Variants in SGMS1 observed in about 807,000 individuals in gnomAD.
SGMS1 encodes phosphatidylcholine:ceramide cholinephosphotransferase 1.
Under a neutral mutation model 46.2 loss-of-function variants are expected in SGMS1, and 13 were observed. The ratio of observed to expected loss-of-function variants is 0.28; its 90% CI spans 0.18 to 0.45. The LOEUF is 0.45. SGMS1 is among the 20% of genes least tolerant of loss of function. The pLI, the probability that SGMS1 is intolerant of heterozygous loss-of-function variation, is 1.00. For synonymous variants in SGMS1, 203 were observed against 187.8 expected (o/e 1.08, Z -0.66); for missense variants, 324 against 519.9 (o/e 0.62, Z 3.66).
intron 6 of SGMS1, among the ~76,000 whole-genome samples, chr10:50,392,744 T>C (rs1435385258): frequency 6.6e-6 from 1 of 152,208 alleles, no homozygotes; most frequent in Non-Finnish European, 1.5e-5. Flanking sequence ...AATGGTATGA[T>C]GTCTGGGATT....
Position 50,401,635 on chromosome 10 carries a change from C to T in SGMS1, c.-232+31841G>A, listed in dbSNP as rs921696309. ...ACTTTACACCAACCAACCAGAAATA[C>T]CCCCCACCAAAAGCTCCTGAAATTT... On this transcript the variant is annotated intron_variant, in intron 6 of 10. Transcript: ENST00000361781. 1.1e-4 allele frequency among the ~76,000 whole-genome samples: 16 copies of T among 152,166 alleles called. 1 individual carries two copies. Among genetic ancestry groups the T allele is most frequent in the Non-Finnish European group, 2.2e-4 (15 of 68,012 alleles).
intron 6 of SGMS1, among the ~76,000 whole-genome samples, chr10:50,407,330 C>T (rs952636368): frequency 6.6e-6 from 1 of 152,084 alleles, no homozygotes; most frequent in African/African-American, 2.4e-5. Flanking sequence ...AATAAAACCA[C>T]AAAAATGTGA....
At chr10:50,454,050 C>CAAAAAAAAAAAAA (rs71846628) in intron 5 of SGMS1, among the ~76,000 whole-genome samples, 85 of 97,876 alleles carry the variant, frequency 8.7e-4, no homozygotes, top group Middle Eastern at 7.8e-3. Context: ...TTTACATAGG[C>CAAAAAAAAAAAAA]AAAAAAAAAA....
intron 6 of SGMS1, among the ~76,000 whole-genome samples, chr10:50,370,093 A>G (rs1848411067): frequency 6.6e-6 from 1 of 152,192 alleles, no homozygotes; most frequent in Admixed American, 6.5e-5. Context: ...TGGAGCTCGC[A>G]GGACTGGAAG....
intron 6 of SGMS1, among the ~76,000 whole-genome samples, chr10:50,415,986 C>T (rs1378294190): frequency 6.6e-6 from 1 of 152,152 alleles, no homozygotes; most frequent in Non-Finnish European, 1.5e-5. Flanking sequence ...AAGAAAGTTA[C>T]CGGAGTTCAG....
rs765162563 is a variant in SGMS1, at chr10:50,470,033, G to A, written c.-497-3101C>T. 4.6e-5 allele frequency among the ~76,000 whole-genome samples: 7 copies of A among 152,156 alleles called. No individual in the cohort carries two copies. In the South Asian group the frequency reaches 6.2e-4, roughly 14 times the overall value. On this transcript the variant is annotated intron_variant, in intron 3 of 10. Coordinates refer to ENST00000361781, the MANE Select transcript of SGMS1 (RefSeq NM_147156.4). ...GGCAGTGGTTTCCTGAAGCAACACC[G>A]AAAGACAGTGCCCAAATCAACTGCC...
intron 7 of SGMS1, among the ~76,000 whole-genome samples, chr10:50,328,419 G>T (rs1847563612): frequency 6.6e-6 from 1 of 152,190 alleles, no homozygotes; most frequent in Non-Finnish European, 1.5e-5. Flanking sequence ...ATCATACAGT[G>T]TAGCTCCAGT....
At chr10:50,499,333 G>T (rs1056061685) in intron 3 of SGMS1, among the ~76,000 whole-genome samples, 97 of 152,232 alleles carry the variant, frequency 6.4e-4, no homozygotes, top group African/African-American at 2.3e-3. Flanking sequence ...TTACGAAATT[G>T]TACAAAGCAC....
At chr10:50,541,869 A>G (rs1415353369) in intron 2 of SGMS1, among the ~76,000 whole-genome samples, 1 of 152,054 alleles carries the variant, frequency 6.6e-6, no homozygotes, top group Non-Finnish European at 1.5e-5. Context: ...TTAAAATACA[A>G]CCTCCTAGGA....
At chr10:50,442,393 G>A (rs1352622235) in intron 5 of SGMS1, among the ~76,000 whole-genome samples, 3 of 151,408 alleles carry the variant, frequency 2.0e-5, no homozygotes, top group South Asian at 2.1e-4. Flanking sequence ...ATGTGTCCAC[G>A]TGTTCTCATC....
At chr10:50,355,524 C>T (rs190647032) in intron 6 of SGMS1, among the ~76,000 whole-genome samples, 2,362 of 152,348 alleles carry the variant, frequency 0.016, 71 homozygotes, top group African/African-American at 0.054. Flanking sequence ...ATCTGCCAGC[C>T]TTGGCCTCCC....
At chr10:50,528,819 C>A (rs1193221829) in intron 2 of SGMS1, among the ~76,000 whole-genome samples, 1 of 149,594 alleles carries the variant, frequency 6.7e-6, no homozygotes, top group African/African-American at 2.5e-5. Context: ...ATGATTGCAA[C>A]AGAGCAAGAC....
At chr10:50,327,074 A>G (rs1847544081) in intron 8 of SGMS1, 131 bp downstream of exon 8, 1 of 573,998 alleles carries the variant, frequency 1.7e-6, no homozygotes, top group East Asian at 3.0e-5. Flanking sequence ...CATATCATTT[A>G]GTAACATTCT....
intron 6 of SGMS1, among the ~76,000 whole-genome samples, chr10:50,380,255 C>A (rs1848581670): frequency 6.6e-6 from 1 of 151,832 alleles, no homozygotes; most frequent in South Asian, 2.1e-4. Flanking sequence ...GTGGTATGTG[C>A]CTGTAGCCCC....
At position 50,605,810 on chromosome 10, in the gene SGMS1, T is replaced by C. The variant is rs561778820; in HGVS notation, c.-683-15563A>G. Among the ~76,000 whole-genome samples, 9 of 152,322 alleles carry C rather than the reference T, an allele frequency of 5.9e-5. No individual in the cohort carries two copies. The South Asian group carries it at 6.2e-4, about 11-fold the overall frequency. ...AATTTTGTTACATGCATAGATTGCA[T>C]AGTGGTCAGGTCAGGGCTTTTAGGG... On this transcript the variant is annotated intron_variant, in intron 1 of 10. Coordinates refer to ENST00000361781, the MANE Select transcript of SGMS1 (RefSeq NM_147156.4).
chr10:50,607,132 C>T (rs1055115153), intron 1 of SGMS1, among the ~76,000 whole-genome samples: 1 of 151,470 alleles, frequency 6.6e-6, no homozygotes, highest in Admixed American at 6.6e-5. Flanking sequence ...ATGCACACCA[C>T]CACACCCAGG....
chr10:50,341,275 C>T (rs1847817057), intron 7 of SGMS1: 2 of 454,880 alleles, frequency 4.4e-6, no homozygotes, highest in Non-Finnish European at 8.8e-6. Flanking sequence ...GATGTGTCAT[C>T]TGTATCTTTC....
intron 4 of SGMS1, among the ~76,000 whole-genome samples, chr10:50,465,620 G>C (rs2133693280): frequency 6.6e-6 from 1 of 152,146 alleles, no homozygotes; most frequent in East Asian, 1.9e-4. Flanking sequence ...AAATAGCTAA[G>C]AGTAAGACTT....
intron 1 of SGMS1, among the ~76,000 whole-genome samples, chr10:50,616,480 A>G (rs1838798846): frequency 6.6e-6 from 1 of 152,168 alleles, no homozygotes. Context: ...TATTCCACCA[A>G]CATAACCTAA....
Sources: allele counts gnomAD v4.1 joint callset (sites outside exome capture counted in the v4.1 genomes callset), GRCh38; gene constraint gnomAD v4.1.1; transcripts MANE v1.5; gene names NCBI Gene and HGNC (gene_info 2026-07-23, HGNC 2026-07-21).